PDE10A: variants seen among roughly 807,000 people sequenced by gnomAD.
PDE10A encodes cAMP and cAMP-inhibited cGMP 3',5'-cyclic phosphodiesterase 10A.
In PDE10A, 39 loss-of-function variants were observed where a neutral mutation model predicts 97.7. The observed-to-expected ratio is 0.40, with a 90% CI of 0.31 to 0.52. The LOEUF (loss-of-function observed/expected upper bound fraction) is 0.52. Among genes scored for constraint, PDE10A ranks in the 20% least tolerant of loss-of-function variants. The pLI, the probability that PDE10A is intolerant of heterozygous loss-of-function variation, is 0.56. For synonymous variants in PDE10A, 371 were observed against 376.8 expected (o/e 0.98, Z 0.18); for missense variants, 731 against 1,047.8 (o/e 0.70, Z 4.17).
Position 165,358,252 on chromosome 6 carries a change from G to A in PDE10A, c.2784-14750C>T, listed in dbSNP as rs116405908. On this transcript the variant is annotated intron_variant, in intron 18 of 21. Transcript: ENST00000539869. Reference sequence around the variant, plus strand: ...CGTTTAGATCTCTGTTAGCCTTAGCGAACTTTTACATAGTTCTTCTGTAAG... The same window carrying A: ...CGTTTAGATCTCTGTTAGCCTTAGCAAACTTTTACATAGTTCTTCTGTAAG... 3.6e-3 allele frequency among the ~76,000 whole-genome samples: 552 copies of A among 152,128 alleles called. 5 individuals carry two copies. The highest frequency in any genetic ancestry group is 0.012 in the African/African-American group (516 of 41,524).
At chr6:165,479,802 A>T (rs894339030) in intron 3 of PDE10A, among the ~76,000 whole-genome samples, 1 of 152,214 alleles carries the variant, frequency 6.6e-6, no homozygotes, top group Non-Finnish European at 1.5e-5. Flanking sequence ...AGGTAAGAAG[A>T]CAGGGAAACA....
intron 3 of PDE10A, among the ~76,000 whole-genome samples, chr6:165,481,778 T>C (rs1275987828): frequency 6.6e-6 from 1 of 152,238 alleles, no homozygotes; most frequent in Non-Finnish European, 1.5e-5. Context: ...TTAATATTTA[T>C]AAAATTTCTA....
At chr6:165,381,611 C>T (rs941883048) in intron 17 of PDE10A, among the ~76,000 whole-genome samples, 31 of 149,494 alleles carry the variant, frequency 2.1e-4, no homozygotes, top group Non-Finnish European at 3.8e-4. Context: ...ATTACAGGGA[C>T]GCACCACCAC....
At chr6:165,724,207 A>G (rs1792235217) in intron 1 of PDE10A, among the ~76,000 whole-genome samples, 1 of 152,248 alleles carries the variant, frequency 6.6e-6, no homozygotes, top group Non-Finnish European at 1.5e-5. Flanking sequence ...TTAAACTCAT[A>G]GAATCACAGA....
At chr6:165,615,159 G>A (rs557621930) in intron 1 of PDE10A, among the ~76,000 whole-genome samples, 8 of 146,220 alleles carry the variant, frequency 5.5e-5, no homozygotes, top group Admixed American at 1.4e-4. Flanking sequence ...GCAGTGAGCC[G>A]AGATCACACC....
intron 1 of PDE10A, among the ~76,000 whole-genome samples, chr6:165,547,186 A>T (rs1783781251): frequency 6.6e-6 from 1 of 152,170 alleles, no homozygotes; most frequent in African/African-American, 2.4e-5. Flanking sequence ...CTGCTAATAA[A>T]CTACAACCTT....
chr6:165,701,411 A>G (rs1375169613), intron 1 of PDE10A, among the ~76,000 whole-genome samples: 1 of 152,256 alleles, frequency 6.6e-6, no homozygotes, highest in Non-Finnish European at 1.5e-5. Flanking sequence ...GCCACTCAGT[A>G]GCACATGCTT....
intron 1 of PDE10A, among the ~76,000 whole-genome samples, chr6:165,818,163 A>G (rs1583139374): frequency 1.3e-5 from 2 of 152,274 alleles, no homozygotes; most frequent in Non-Finnish European, 2.9e-5. Context: ...GCAAGCTTTC[A>G]TCTGCTCGCT....
At chr6:165,916,496 T>A (rs1782606733) in intron 1 of PDE10A, among the ~76,000 whole-genome samples, 1 of 152,214 alleles carries the variant, frequency 6.6e-6, no homozygotes, top group Non-Finnish European at 1.5e-5. Context: ...GAGATGGTAA[T>A]AAGGTCAGCC....
intron 1 of PDE10A, among the ~76,000 whole-genome samples, chr6:165,604,981 A>G (rs939691501): frequency 6.6e-6 from 1 of 152,246 alleles, no homozygotes; most frequent in Non-Finnish European, 1.5e-5. Context: ...AAGCTCTATT[A>G]CAAACAACCC....
In PDE10A at chr6:165,388,533, C is replaced by T; in HGVS notation, c.2455-80G>A. 2 of 1,298,238 alleles carry T rather than the reference C, an allele frequency of 1.5e-6. No individual in the cohort carries two copies. Among genetic ancestry groups the T allele is most frequent in the Non-Finnish European group, 2.2e-6 (2 of 904,142 alleles). The allele number at this position is 1,298,238 out of a possible 1,614,324, so 80.4% of individuals were successfully genotyped here. ...AGACTTACCGCTTACATTCATGTCA[C>T]ATTACTTTCTGGCATTAATATAGCA... On this transcript the variant is annotated intron_variant, in intron 16 of 21. Transcript: ENST00000539869. The surrounding 1 kb of genome is among the most constrained non-coding windows in gnomAD (Gnocchi z 4.0).
intron 19 of PDE10A, among the ~76,000 whole-genome samples, chr6:165,341,738 AGTGTAACTCTGTATAGGTGCTATG>A (rs1308339588): frequency 6.6e-6 from 1 of 152,136 alleles, no homozygotes; most frequent in Non-Finnish European, 1.5e-5. Context: ...CCAGCATCCT[AGTGTAACTCTGTATAGGTGCTATG>A]GTGTTACGGA....
chr6:165,598,592 A>G (rs577088339), intron 1 of PDE10A, among the ~76,000 whole-genome samples: 3 of 152,286 alleles, frequency 2.0e-5, no homozygotes, highest in Non-Finnish European at 2.9e-5. Flanking sequence ...GGTGATAATA[A>G]TAGTATCAAT....
At chr6:165,689,332 A>G (rs981931612) in intron 1 of PDE10A, among the ~76,000 whole-genome samples, 1 of 152,192 alleles carries the variant, frequency 6.6e-6, no homozygotes, top group Non-Finnish European at 1.5e-5. Flanking sequence ...TGAATCCCCT[A>G]GAGAGTGCAA....
chr6:165,882,753 A>C (rs2128480693), intron 1 of PDE10A, among the ~76,000 whole-genome samples: 1 of 111,756 alleles, frequency 8.9e-6, no homozygotes, highest in South Asian at 3.7e-4. Flanking sequence ...ACTAGAAAAG[A>C]TCACTCAGAA....
intron 2 of PDE10A, among the ~76,000 whole-genome samples, chr6:165,527,756 AG>A (rs1256714013): frequency 6.6e-6 from 1 of 152,164 alleles, no homozygotes; most frequent in African/African-American, 2.4e-5. Flanking sequence ...AAGTTACATG[AG>A]GAAGTGGCTA....
intron 1 of PDE10A, among the ~76,000 whole-genome samples, chr6:165,901,758 C>T (rs867701783): frequency 6.6e-5 from 10 of 152,064 alleles, no homozygotes; most frequent in South Asian, 4.2e-4. Flanking sequence ...GCTGAGATTG[C>T]GCCGTTGCAC....
intron 13 of PDE10A, among the ~76,000 whole-genome samples, chr6:165,400,973 C>T (rs1562424963): frequency 6.6e-6 from 1 of 151,882 alleles, no homozygotes; most frequent in African/African-American, 2.4e-5. Context: ...TATATAATTC[C>T]CTTTATACAA....
intron 1 of PDE10A, among the ~76,000 whole-genome samples, chr6:165,854,795 G>A (rs1395742471): frequency 6.6e-6 from 1 of 152,136 alleles, no homozygotes; most frequent in Non-Finnish European, 1.5e-5. Flanking sequence ...AGGAGCGCAG[G>A]GCGCGCCAGG....
Sources: allele counts gnomAD v4.1 joint callset (sites outside exome capture counted in the v4.1 genomes callset), GRCh38; gene constraint gnomAD v4.1.1; non-coding constraint Gnocchi (gnomAD v3.1); transcripts MANE v1.5; gene names NCBI Gene and HGNC (gene_info 2026-07-23, HGNC 2026-07-21).